Variants in GPATCH2L observed in about 807,000 individuals in gnomAD.
GPATCH2L encodes the protein G patch domain-containing protein 2-like.
Under a neutral mutation model 57.4 loss-of-function variants are expected in GPATCH2L, and 31 were observed. That is an observed-to-expected ratio of 0.54 (90% CI 0.41 to 0.73). The LOEUF (loss-of-function observed/expected upper bound fraction) is 0.73, where lower values mean the gene tolerates loss of function less well. GPATCH2L is among the 30% of genes least tolerant of loss of function. The probability of loss-of-function intolerance (pLI) is 0.00; values close to 1 mark genes in which losing one functional copy is unlikely to be tolerated. For missense variants in GPATCH2L, 481 were observed against 599.9 expected (o/e 0.80, Z 2.07); for synonymous variants, 199 against 210.7 (o/e 0.94, Z 0.48).
In GPATCH2L at chr14:76,204,515, A is replaced by G. The variant is rs2139833993; in HGVS notation, c.*2664A>G. 1 of 152,336 alleles carries G rather than the reference A, an allele frequency of 6.6e-6. No homozygotes were observed. Among genetic ancestry groups the G allele is most frequent in the South Asian group, 2.1e-4 (1 of 4,828 alleles). 9.4% of individuals were successfully genotyped at this position (152,336 alleles called of 1,614,324 possible). On this transcript the variant is annotated 3_prime_UTR_variant, in exon 10 of 10. Coordinates refer to ENST00000261530, the MANE Select transcript of GPATCH2L (RefSeq NM_017926.4). ...AACCAGTTCCAGAGGATAGCCTTAG[A>G]AATGAGTGTATTTTGAATCTTAAAG...
intron 1 of GPATCH2L, among the ~76,000 whole-genome samples, chr14:76,222,170 T>C (rs542613114): frequency 1.3e-5 from 2 of 152,332 alleles, no homozygotes; most frequent in East Asian, 1.9e-4. Flanking sequence ...AGATTACCAA[T>C]ATAAAACCCC....
intron 8 of GPATCH2L, among the ~76,000 whole-genome samples, chr14:76,182,980 T>C (rs1175379655): frequency 6.6e-6 from 1 of 152,230 alleles, no homozygotes; most frequent in Non-Finnish European, 1.5e-5. Flanking sequence ...GTATACTGTT[T>C]GGGAAAATGA....
intron 1 of GPATCH2L, among the ~76,000 whole-genome samples, chr14:76,223,587 T>G (rs563179100): frequency 6.6e-6 from 1 of 152,134 alleles, no homozygotes; most frequent in African/African-American, 2.4e-5. Flanking sequence ...TAAATAAGCC[T>G]TTATCAAAAT....
intron 8 of GPATCH2L, among the ~76,000 whole-genome samples, chr14:76,183,773 T>A (rs2139736687): frequency 6.6e-6 from 1 of 152,322 alleles, no homozygotes; most frequent in South Asian, 2.1e-4. Context: ...AGCTCCAGTG[T>A]GGCAGACTGA....
chr14:76,218,242 A>T (rs1168659374), downstream of GPATCH2L, among the ~76,000 whole-genome samples: 1 of 152,202 alleles, frequency 6.6e-6, no homozygotes, highest in Non-Finnish European at 1.5e-5. Flanking sequence ...GAAATTAAAG[A>T]TACAGAAATT....
chr14:76,199,514 T>A lies in GPATCH2L; in HGVS notation c.1289-2177T>A, dbSNP rs371512318. 3.3e-5 allele frequency among the ~76,000 whole-genome samples: 5 copies of A among 152,352 alleles called. No individual in the cohort carries two copies. The South Asian group carries it at 1.0e-3, about 32-fold the overall frequency. ...ATGAATATGATTAATATGTTATAAT[T>A]AAATGTTCTTGATGAACATTTGGAT... On this transcript the variant is annotated intron_variant, in intron 9 of 9. Coordinates refer to ENST00000261530, the MANE Select transcript of GPATCH2L (RefSeq NM_017926.4).
chr14:76,169,959 C>A (rs2039011455), intron 3 of GPATCH2L, among the ~76,000 whole-genome samples: 1 of 152,128 alleles, frequency 6.6e-6, no homozygotes, highest in Admixed American at 6.5e-5. Flanking sequence ...TTTGGTCTTG[C>A]CCAGACTAGA....
intron 2 of GPATCH2L, among the ~76,000 whole-genome samples, chr14:76,163,903 T>C (rs2038711039): frequency 6.6e-6 from 1 of 152,216 alleles, no homozygotes; most frequent in Admixed American, 6.5e-5. Flanking sequence ...ACTGGGGACA[T>C]TGAGATGAGC....
intron 2 of GPATCH2L, among the ~76,000 whole-genome samples, chr14:76,232,515 A>C (rs887125729): frequency 2.6e-5 from 4 of 152,192 alleles, no homozygotes; most frequent in Admixed American, 2.0e-4. Context: ...AGCACAATGC[A>C]CAAGACCACC....
intron 8 of GPATCH2L, among the ~76,000 whole-genome samples, chr14:76,189,376 TTC>T (rs1235206115): frequency 1.3e-5 from 2 of 152,066 alleles, no homozygotes; most frequent in East Asian, 3.9e-4. Context: ...CTTCTTCAAT[TTC>T]TTTCATCCAT....
chr14:76,168,451 C>T (rs185923931), intron 3 of GPATCH2L, among the ~76,000 whole-genome samples: 11 of 152,302 alleles, frequency 7.2e-5, no homozygotes, highest in Non-Finnish European at 1.5e-4. Flanking sequence ...TCATTTCTTG[C>T]TATGGGGCTG....
At position 76,201,681 on chromosome 14, in the gene GPATCH2L, A is replaced by G. The variant is rs770653986; in HGVS notation, c.1289-10A>G. 92 of 1,598,272 alleles carry G rather than the reference A, an allele frequency of 5.8e-5. No homozygotes were observed. Among genetic ancestry groups the G allele is most frequent in the Non-Finnish European group, 7.0e-5 (82 of 1,173,322 alleles). On this transcript the variant is annotated splice_polypyrimidine_tract_variant and intron_variant, in intron 9 of 9. Coordinates refer to ENST00000261530, the MANE Select transcript of GPATCH2L (RefSeq NM_017926.4). Reference sequence around the variant, plus strand: ...TGATGTTTTGCTCCTCTCTGTTGTAACCTTACTAGTTCACATGGATGCAGT... The same window carrying G: ...TGATGTTTTGCTCCTCTCTGTTGTAGCCTTACTAGTTCACATGGATGCAGT...
intron 5 of GPATCH2L, chr14:76,174,027 G>T (rs1241295456): frequency 6.7e-5 from 13 of 194,858 alleles, no homozygotes; most frequent in South Asian, 1.9e-4. Context: ...TTTCATCCTA[G>T]AATTCATTAA....
At chr14:76,222,072 G>C (rs8014368) in intron 1 of GPATCH2L, among the ~76,000 whole-genome samples, 5 of 152,106 alleles carry the variant, frequency 3.3e-5, no homozygotes, top group African/African-American at 1.2e-4. Context: ...GGGGAAGAAG[G>C]TATATGGGAA....
intron 5 of GPATCH2L, chr14:76,175,400 G>T: frequency 7.9e-6 from 1 of 126,004 alleles, no homozygotes; most frequent in African/African-American, 3.2e-5. Context: ...TCTCTCTTCT[G>T]CTTTTCTAAA....
At chr14:76,196,040 A>C in intron 9 of GPATCH2L, 68 bp downstream of exon 9, 1 of 1,082,182 alleles carries the variant, frequency 9.2e-7, no homozygotes, top group Non-Finnish European at 1.4e-6. Context: ...TGTGTTTTGT[A>C]TACCTTTTCA....
At chr14:76,177,850 C>G (rs751154793) in intron 6 of GPATCH2L, 138 bp from the exon 7 acceptor site, 3 of 1,329,498 alleles carry the variant, frequency 2.3e-6, no homozygotes. Context: ...CCTATCACTT[C>G]TTTTATTGTT....
In GPATCH2L at chr14:76,178,035, C is replaced by A; in HGVS notation, c.1100C>A (p.Ala367Glu). ...GATTTTCCTCACATTTCTGCTTGTG[C>A]ACATGAGGTAAGGTTTCCTCTTTCT... ...ASDFPHISAC[A>E]HEFNPLSPLY... is the part of the protein sequence containing the mutation. The change falls in exon 7 of 10, where the codon GCA (alanine) becomes GAA (glutamate). Residue 367 changes from alanine to glutamate, a missense_variant. Around this residue, in one of 3 missense-constraint regions of GPATCH2L, gnomAD observed 248 missense variants for 270.5 expected, o/e 0.92. Coordinates refer to ENST00000261530, the MANE Select transcript of GPATCH2L (RefSeq NM_017926.4). 1 of 1,601,978 alleles carries A rather than the reference C, an allele frequency of 6.2e-7. No homozygotes were observed. Among genetic ancestry groups the A allele is most frequent in the Non-Finnish European group, 8.5e-7 (1 of 1,169,954 alleles).
At chr14:76,174,255 A>G (rs1195043210) in intron 5 of GPATCH2L, 2 of 152,246 alleles carry the variant, frequency 1.3e-5, no homozygotes, top group Non-Finnish European at 2.9e-5. Context: ...CCAGATAGGA[A>G]TGGTAGAATA....
Sources: allele counts gnomAD v4.1 joint callset (sites outside exome capture counted in the v4.1 genomes callset), GRCh38; gene constraint gnomAD v4.1.1; regional missense constraint gnomAD v4.1.1; transcripts MANE v1.5; gene names NCBI Gene and HGNC (gene_info 2026-07-23, HGNC 2026-07-21).